Variants in SLITRK3 observed in about 807,000 individuals in gnomAD.
The protein encoded by SLITRK3 is SLIT and NTRK-like protein 3.
SLITRK3 carries 16 observed loss-of-function variants against 63.6 expected under a neutral mutation model. The ratio of observed to expected loss-of-function variants is 0.25; its 90% CI spans 0.17 to 0.38. The LOEUF is 0.38. SLITRK3 is among the 10% of genes least tolerant of loss of function. SLITRK3 has a pLI of 1.00. For missense variants in SLITRK3, 1,117 were observed against 1,181.4 expected (o/e 0.95, Z 0.80); for synonymous variants, 547 against 451.6 (o/e 1.21, Z -2.68).
rs1461509445 is a variant in SLITRK3 at position 165,189,800 on chromosome 3, G to A, written c.1031C>T (p.Pro344Leu). 2 of 1,613,942 alleles carry A rather than the reference G, an allele frequency of 1.2e-6. No homozygotes were observed. Among genetic ancestry groups the A allele is most frequent in the African/African-American group, 2.7e-5 (2 of 74,896 alleles). ...ATATAAAGCTTGGGAGGTGGAGGGT[G>A]GCCTTGGTGTTCGAGGCTGTTTGGT... is the stretch of plus-strand genomic sequence containing the variant. ...KPTKQPRTPRPPSTSQALYPG... is the reference protein window; with the variant it reads ...KPTKQPRTPRLPSTSQALYPG... Residue 344 changes from proline to leucine, a missense_variant, in exon 2 of 2, where the codon CCA becomes CTA. Physicochemically the swap from Pro to Leu is moderately conservative, Grantham distance 98. This residue lies in a region of SLITRK3 where 452 missense variants were observed against 495.3 expected (regional missense o/e 0.91). Transcript: ENST00000475390. This position sits in a 1 kb window ranked among gnomAD's most constrained non-coding sequence, Gnocchi z 4.0.
In SLITRK3 at chr3:165,187,764, A is replaced by G; in HGVS notation, c.*133T>C. On this transcript the variant is annotated 3_prime_UTR_variant, in exon 2 of 2. Transcript: ENST00000475390. ...TATTCTCTAGTTATCATGCGGTTTT[A>G]GTTTTGTTCAGGGTAGGAAAGATCG... 1.5e-6 allele frequency: 1 copy of G among 678,074 alleles called. No individual in the cohort carries two copies. Among genetic ancestry groups the G allele is most frequent in the East Asian group, 2.7e-5 (1 of 36,876 alleles). The allele number at this position is 678,074 out of a possible 1,614,324, so 42.0% of individuals were successfully genotyped here. A position where few individuals can be genotyped will look rare whatever the true frequency, so the allele number is the denominator to read the frequency against.
In SLITRK3 at chr3:165,187,878, A is replaced by G; in HGVS notation, c.*19T>C. On this transcript the variant is annotated 3_prime_UTR_variant, in exon 2 of 2. Transcript: ENST00000475390. ...TTCTTTTGAAAAAAAAAAAGCACTA[A>G]TATATTTTCTTCTCTCTGTTAGAAC... 1 of 1,552,356 alleles carries G rather than the reference A, an allele frequency of 6.4e-7. No homozygotes were observed. Among genetic ancestry groups the G allele is most frequent in the Non-Finnish European group, 8.7e-7 (1 of 1,150,294 alleles).
In SLITRK3 at chr3:165,187,049, C is replaced by A. The variant is rs577095627; in HGVS notation, c.*848G>T. The A allele has an allele frequency of 6.6e-6, 1 of 152,472 alleles. No individual in the cohort carries two copies. Among genetic ancestry groups the A allele is most frequent in the Admixed American group, 6.5e-5 (1 of 15,268 alleles). The allele number at this position is 152,472 out of a possible 1,614,324, so 9.4% of individuals were successfully genotyped here. On this transcript the variant is annotated 3_prime_UTR_variant, in exon 2 of 2. Coordinates refer to ENST00000475390, the MANE Select transcript of SLITRK3 (RefSeq NM_001318810.2). The stretch of plus-strand genomic sequence containing the variant: ...TGTCTTCGGCTGTTAAACCACCAGG[C>A]CTCTACTTCAGTAGAATCCAGCCTA...
In SLITRK3 at chr3:165,187,985, T is replaced by G. The variant is rs543563952; in HGVS notation, c.2846A>C (p.Gln949Pro). ...AGKGFTDHQT[Q>P]KSDYLELRAK... ...CCTTAACTCGAGGTAATCACTTTTTTGGGTTTGGTGGTCTGTGAAGCCCTT... is the reference window on the plus strand; with the variant it reads ...CCTTAACTCGAGGTAATCACTTTTTGGGGTTTGGTGGTCTGTGAAGCCCTT... The change falls in exon 2 of 2, where the codon CAA becomes CCA. Residue 949 changes from glutamine to proline, a missense_variant. Around this residue, in one of 4 missense-constraint regions of SLITRK3, gnomAD observed 499 missense variants for 463.6 expected, o/e 1.08. Transcript: ENST00000475390. 69 of 1,614,060 alleles carry G rather than the reference T, an allele frequency of 4.3e-5. No homozygotes were observed. In the African/African-American group the frequency reaches 7.7e-4, roughly 18 times the overall value.
intron 1 of SLITRK3, among the ~76,000 whole-genome samples, chr3:165,194,166 C>G (rs62282372): frequency 0.13 from 19,510 of 152,052 alleles, 1,299 homozygotes; most frequent in Admixed American, 0.16. Flanking sequence ...GGGGAGAAGG[C>G]AGGGACTTTT....
Position 165,190,637 on chromosome 3 carries a change from C to A in SLITRK3, c.194G>T (p.Gly65Val), listed in dbSNP as rs778487955. The change falls in exon 2 of 2, where the codon GGA (glycine) becomes GTA (valine). Residue 65 changes from glycine to valine, a missense_variant. Around this residue, in one of 4 missense-constraint regions of SLITRK3, gnomAD observed 452 missense variants for 495.3 expected, o/e 0.91. Coordinates refer to ENST00000475390, the MANE Select transcript of SLITRK3 (RefSeq NM_001318810.2). ...SLFHIHCDSK[G>V]FTNISQITEF... is the part of the protein sequence containing the mutation. ...GGTAATCTGACTAATATTTGTAAAT[C>A]CTTTACTGTCACAATGTATATGAAA... 1 of 1,613,966 alleles carries A rather than the reference C, an allele frequency of 6.2e-7. No homozygotes were observed. The highest frequency in any genetic ancestry group is 1.7e-5 in the Admixed American group (1 of 60,008).
rs374094225 is a variant in SLITRK3 at position 165,189,793 on chromosome 3, G to A, written c.1038C>T (p.Ser346=). 1.1e-5 allele frequency: 17 copies of A among 1,614,028 alleles called. No individual in the cohort carries two copies. The highest frequency in any genetic ancestry group is 1.3e-5 in the Non-Finnish European group (15 of 1,180,024). The change falls in exon 2 of 2, where the codon TCC becomes TCT. Residue 346 remains serine (S), a synonymous_variant. Transcript: ENST00000475390. This position sits in a 1 kb window ranked among gnomAD's most constrained non-coding sequence, Gnocchi z 4.0. ...TKQPRTPRPP[S]TSQALYPGPN... is the part of the protein sequence containing the mutation. The stretch of plus-strand genomic sequence containing the variant: ...GACCAGGATATAAAGCTTGGGAGGT[G>A]GAGGGTGGCCTTGGTGTTCGAGGCT...
In SLITRK3 at chr3:165,190,651, A is replaced by C; in HGVS notation, c.180T>G (p.His60Gln). The change falls in exon 2 of 2, where the codon CAT (histidine) becomes CAG (glutamine). Residue 60 changes from histidine (H) to glutamine (Q), a missense_variant. His to Gln is a conservative substitution (Grantham distance 24, BLOSUM62 0). Around this residue, in one of 4 missense-constraint regions of SLITRK3, gnomAD observed 452 missense variants for 495.3 expected, o/e 0.91. Coordinates refer to ENST00000475390, the MANE Select transcript of SLITRK3 (RefSeq NM_001318810.2). ...TATTTGTAAATCCTTTACTGTCACA[A>C]TGTATATGAAAGAGGCTTTCTTTAA... is the stretch of plus-strand genomic sequence containing the variant. ...CEVKESLFHI[H>Q]CDSKGFTNIS... 6.2e-7 allele frequency: 1 copy of C among 1,614,058 alleles called. No individual in the cohort carries two copies.
intron 1 of SLITRK3, among the ~76,000 whole-genome samples, chr3:165,191,835 C>G (rs895472889): frequency 2.3e-4 from 35 of 152,144 alleles, no homozygotes; most frequent in Admixed American, 2.2e-3. Context: ...GAGTGGAAAC[C>G]TCTATTCTTA....
chr3:165,191,078 C>T (rs1439957839), intron 1 of SLITRK3, among the ~76,000 whole-genome samples: 1 of 152,168 alleles, frequency 6.6e-6, no homozygotes, highest in Non-Finnish European at 1.5e-5. Flanking sequence ...CTGAACCAAG[C>T]CATACTTGGT....
At chr3:165,194,626 A>C (rs2108211844) in intron 1 of SLITRK3, among the ~76,000 whole-genome samples, 26 of 144,632 alleles carry the variant, frequency 1.8e-4, no homozygotes, top group South Asian at 7.4e-4. Context: ...CCTCCCCCCC[A>C]TCCCCCGCCC....
At position 165,187,962 on chromosome 3, in the gene SLITRK3, T is replaced by C. The variant is rs998823272; in HGVS notation, c.2869A>G (p.Arg957Gly). ...QTQKSDYLEL[R>G]AKLQTKPDYL... is the part of the protein sequence containing the mutation. ...TCCGGCTTGGTTTGAAGTTTGGCCCTTAACTCGAGGTAATCACTTTTTTGG... is the reference window on the plus strand; with the variant it reads ...TCCGGCTTGGTTTGAAGTTTGGCCCCTAACTCGAGGTAATCACTTTTTTGG... The change falls in exon 2 of 2, where the codon AGG (arginine) becomes GGG (glycine). Residue 957 changes from arginine (R) to glycine (G), a missense_variant. By Grantham distance (125) the Arg-to-Gly change is moderately radical (BLOSUM62 -2). Around this residue, in one of 4 missense-constraint regions of SLITRK3, gnomAD observed 499 missense variants for 463.6 expected, o/e 1.08. Transcript: ENST00000475390. 1.2e-6 allele frequency: 2 copies of C among 1,614,154 alleles called. No homozygotes were observed. Among genetic ancestry groups the C allele is most frequent in the Non-Finnish European group, 1.7e-6 (2 of 1,180,020 alleles).
chr3:165,189,426 C>T lies in SLITRK3; in HGVS notation c.1405G>A (p.Glu469Lys), dbSNP rs1560053795. The T allele has an allele frequency of 6.2e-7, 1 of 1,613,278 alleles. No homozygotes were observed. The highest frequency in any genetic ancestry group is 1.7e-5 in the Admixed American group (1 of 60,016). The change falls in exon 2 of 2, where the codon GAG becomes AAG. Residue 469 changes from glutamate to lysine, a missense_variant. Transcript: ENST00000475390. This position sits in a 1 kb window ranked among gnomAD's most constrained non-coding sequence, Gnocchi z 4.0. ...KSLFLNGNDI[E>K]KLTPGMFRGL... ...CGGAACATGCCTGGTGTCAGCTTCT[C>T]TATATCGTTGCCATTAAGGAAGAGG...
intron 1 of SLITRK3, among the ~76,000 whole-genome samples, chr3:165,192,332 A>G (rs1718260083): frequency 6.6e-6 from 1 of 152,188 alleles, no homozygotes; most frequent in South Asian, 2.1e-4. Flanking sequence ...TCAGTGAAAA[A>G]GAGGGAGAGA....
At chr3:165,196,905 C>CTCTCTCTCTCTG (rs1718454777), upstream of SLITRK3, 1 of 144,144 alleles carries the variant, frequency 6.9e-6, no homozygotes, top group Admixed American at 7.1e-5. Flanking sequence ...CTGTCTCTCT[C>CTCTCTCTCTCTG]TCTCTCTCTC....
intron 1 of SLITRK3, among the ~76,000 whole-genome samples, chr3:165,194,630 C>T (rs1408244409): frequency 1.3e-5 from 2 of 152,132 alleles, no homozygotes; most frequent in African/African-American, 2.4e-5. Context: ...CCCCCCATCC[C>T]CCGCCCAGCA....
In SLITRK3 at chr3:165,189,833, G is replaced by A. The variant is rs997403131; in HGVS notation, c.998C>T (p.Pro333Leu). 3 of 1,614,024 alleles carry A rather than the reference G, an allele frequency of 1.9e-6. No individual in the cohort carries two copies. In the Admixed American group the frequency reaches 5.0e-5, roughly 27 times the overall value. ...TGTTCGAGGCTGTTTGGTGGGCTTA[G>A]GCTGTTTATTTGAGGACTTGTATTC... ...SVEYKSSNKQ[P>L]KPTKQPRTPR... The change falls in exon 2 of 2, where the codon CCT becomes CTT. Residue 333 changes from proline to leucine, a missense_variant. Around this residue, in one of 4 missense-constraint regions of SLITRK3, gnomAD observed 452 missense variants for 495.3 expected, o/e 0.91. Coordinates refer to ENST00000475390, the MANE Select transcript of SLITRK3 (RefSeq NM_001318810.2). The surrounding 1 kb of genome is among the most constrained non-coding windows in gnomAD (Gnocchi z 4.0).
Position 165,190,350 on chromosome 3 carries a change from T to G in SLITRK3, c.481A>C (p.Ile161Leu). The change falls in exon 2 of 2, where the codon ATT becomes CTT. Residue 161 changes from isoleucine to leucine, a missense_variant. Around this residue, in one of 4 missense-constraint regions of SLITRK3, gnomAD observed 452 missense variants for 495.3 expected, o/e 0.91. Coordinates refer to ENST00000475390, the MANE Select transcript of SLITRK3 (RefSeq NM_001318810.2). ...LEYLQADYNV[I>L]KRIESGAFRN... is the part of the protein sequence containing the mutation. Reference sequence around the variant, plus strand: ...AATGCCCCACTCTCAATACGTTTAATGACATTGTAATCTGCCTGCAGATAT... The same window carrying G: ...AATGCCCCACTCTCAATACGTTTAAGGACATTGTAATCTGCCTGCAGATAT... 1 of 1,614,174 alleles carries G rather than the reference T, an allele frequency of 6.2e-7. No individual in the cohort carries two copies. The highest frequency in any genetic ancestry group is 8.5e-7 in the Non-Finnish European group (1 of 1,180,024).
chr3:165,189,214 G>A lies in SLITRK3; in HGVS notation c.1617C>T (p.Phe539=), dbSNP rs1354824559. ...GGACACCAGCCACGGGAAGATAGAG[G>A]AAGTAGTTCTTCCTCAGGTTGAGCC... ...LARLNLRKNY[F]LYLPVAGVLE... The change falls in exon 2 of 2, where the codon TTC becomes TTT. Residue 539 remains phenylalanine, a synonymous_variant. Transcript: ENST00000475390. The surrounding 1 kb of genome is among the most constrained non-coding windows in gnomAD (Gnocchi z 4.0). 1 of 1,614,200 alleles carries A rather than the reference G, an allele frequency of 6.2e-7. No individual in the cohort carries two copies. The highest frequency in any genetic ancestry group is 1.1e-5 in the South Asian group (1 of 91,080).
Sources: gnomAD v4.1 joint callset for allele counts (sites outside exome capture counted in the v4.1 genomes callset) on GRCh38, gnomAD v4.1.1 for gene constraint, gnomAD v4.1.1 regional missense constraint, Gnocchi (gnomAD v3.1) non-coding constraint, MANE v1.5 for transcripts, NCBI Gene and HGNC (gene_info 2026-07-23, HGNC 2026-07-21) for gene names.